The following TENM3 variants were observed in gnomAD, a reference collection of about 807,000 sequenced individuals.
The protein encoded by TENM3 is teneurin-3.
Under a neutral mutation model 255.1 loss-of-function variants are expected in TENM3, and 63 were observed. The ratio of observed to expected loss-of-function variants is 0.25; its 90% CI spans 0.20 to 0.30. The LOEUF is 0.30. TENM3 is among the 10% of genes least tolerant of loss of function. The pLI is 1.00. For missense variants in TENM3, 2,929 were observed against 3,461.1 expected, an observed-to-expected ratio of 0.85 and a Z score of 3.86; for synonymous variants, 1,306 against 1,322.3, an observed-to-expected ratio of 0.99 and a Z score of 0.27.
At chr4:181,826,532 C>T in the TENM3 span, among the ~76,000 whole-genome samples, 1 of 152,212 alleles carries the variant, frequency 6.6e-6, no homozygotes, top group Non-Finnish European at 1.5e-5. Flanking sequence ...AAATTTGAAT[C>T]CCTACTAAGC....
chr4:182,142,130 TATA>T (rs1335492289), upstream of TENM3: 6 of 152,010 alleles, frequency 3.9e-5, no homozygotes, highest in Non-Finnish European at 8.8e-5. Flanking sequence ...GCCTTTTTTT[TATA>T]TAATAATAAG....
intron 4 of TENM3, among the ~76,000 whole-genome samples, chr4:182,621,764 AATTATAT>A (rs1377320803): frequency 8.5e-5 from 5 of 59,054 alleles, no homozygotes; most frequent in Non-Finnish European, 1.4e-4. Context: ...AATATATAAT[AATTATAT>A]ATTATATATA....
At chr4:182,166,448 A>G (rs1056832357) in intron 1 of TENM3, among the ~76,000 whole-genome samples, 4 of 152,142 alleles carry the variant, frequency 2.6e-5, no homozygotes, top group South Asian at 2.1e-4. Context: ...TTAAAATTTC[A>G]TCTTGAATTT....
intron 6 of TENM3, among the ~76,000 whole-genome samples, chr4:182,664,925 T>C (rs967774027): frequency 6.6e-6 from 1 of 152,172 alleles, no homozygotes; most frequent in African/African-American, 2.4e-5. Flanking sequence ...CTCTGCAACA[T>C]AAAAATGCAA....
chr4:182,160,156 C>A (rs1029729233), intron 1 of TENM3, among the ~76,000 whole-genome samples: 11 of 149,790 alleles, frequency 7.3e-5, no homozygotes, highest in Non-Finnish European at 1.5e-4. Context: ...GCGCCCGCCA[C>A]CACGCCTGGC....
chr4:181,648,378 CAT>C, the TENM3 span, among the ~76,000 whole-genome samples: 515 of 152,204 alleles, frequency 3.4e-3, 3 homozygotes, highest in Non-Finnish European at 5.7e-3. Flanking sequence ...TAAACTGACT[CAT>C]ATGAAGCACG....
At chr4:181,972,493 C>T in the TENM3 span, among the ~76,000 whole-genome samples, 1 of 148,754 alleles carries the variant, frequency 6.7e-6, no homozygotes, top group East Asian at 2.0e-4. Context: ...AGCAAGATAA[C>T]TTATTAAAAT....
chr4:181,775,746 T>A, the TENM3 span, among the ~76,000 whole-genome samples: 1 of 152,164 alleles, frequency 6.6e-6, no homozygotes, highest in Non-Finnish European at 1.5e-5. Context: ...AGCCTACATT[T>A]CCTCCATGTT....
the TENM3 span, among the ~76,000 whole-genome samples, chr4:182,026,061 T>C: frequency 6.6e-6 from 1 of 152,110 alleles, no homozygotes; most frequent in African/African-American, 2.4e-5. Flanking sequence ...CACCTATGAG[T>C]GAGAACATGT....
At chr4:182,699,532 T>G (rs1158913199) in intron 12 of TENM3, among the ~76,000 whole-genome samples, 5 of 152,156 alleles carry the variant, frequency 3.3e-5, no homozygotes, top group African/African-American at 9.7e-5. Flanking sequence ...TCAAGGAAAT[T>G]TTTGAATCCA....
At chr4:182,784,172 C>T (rs1293406845) in intron 24 of TENM3, among the ~76,000 whole-genome samples, 4 of 152,244 alleles carry the variant, frequency 2.6e-5, no homozygotes, top group African/African-American at 9.6e-5. Context: ...GTTTTTTCCC[C>T]ATCTTTGTGG....
At chr4:182,664,569 G>A (rs34207612) in intron 6 of TENM3, among the ~76,000 whole-genome samples, 35,629 of 152,100 alleles carry the variant, frequency 0.23, 4,455 homozygotes, top group East Asian at 0.39. Context: ...TAAGCTTAGT[G>A]GGGAAGGCAT....
rs941518295 is a variant in TENM3, at chr4:182,189,452, G to A, written c.-76+44698G>A. Among the ~76,000 whole-genome samples the A allele has an allele frequency of 2.6e-5, 4 of 152,238 alleles. No individual in the cohort carries two copies. The South Asian group carries it at 8.3e-4, about 32-fold the overall frequency. On this transcript the variant is annotated intron_variant, in intron 1 of 2. Coordinates refer to the TENM3 transcript ENST00000512480. The stretch of plus-strand genomic sequence containing the variant: ...CACCAAAGCTTATACTTATTTAGAT[G>A]TATGCACATAAGAAAGTCAAAAGTT...
chr4:182,632,514 G>T (rs1313289172), intron 5 of TENM3, among the ~76,000 whole-genome samples: 1 of 152,052 alleles, frequency 6.6e-6, no homozygotes, highest in African/African-American at 2.4e-5. Flanking sequence ...TAGTAGCGCT[G>T]ACTATCTTCT....
intron 5 of TENM3, among the ~76,000 whole-genome samples, chr4:182,650,319 A>C (rs1033679813): frequency 2.0e-5 from 3 of 150,216 alleles, no homozygotes; most frequent in Admixed American, 6.6e-5. Context: ...TCTTCTTGCC[A>C]CTGTCTGCAC....
At chr4:182,179,410 C>T (rs1379205452) in intron 1 of TENM3, among the ~76,000 whole-genome samples, 1 of 152,194 alleles carries the variant, frequency 6.6e-6, no homozygotes, top group Non-Finnish European at 1.5e-5. Flanking sequence ...TAAAACATCC[C>T]TCTCTTCCAC....
chr4:181,519,875 A>G, the TENM3 span, among the ~76,000 whole-genome samples: 22 of 152,210 alleles, frequency 1.4e-4, no homozygotes, highest in Non-Finnish European at 2.9e-4. Context: ...AGCAAACCTC[A>G]GTGAAGGAAG....
At chr4:181,464,223 G>A in the TENM3 span, among the ~76,000 whole-genome samples, 1 of 152,118 alleles carries the variant, frequency 6.6e-6, no homozygotes, top group Non-Finnish European at 1.5e-5. Flanking sequence ...TTGAAAATAC[G>A]CCAAACTCTT....
chr4:182,717,925 C>T (rs68069135), intron 13 of TENM3, among the ~76,000 whole-genome samples: 2 of 152,080 alleles, frequency 1.3e-5, no homozygotes, highest in African/African-American at 4.8e-5. Flanking sequence ...GCTGCTCACT[C>T]CTGAAGGAAG....
Sources: allele counts gnomAD v4.1 joint callset (sites outside exome capture counted in the v4.1 genomes callset), GRCh38; gene constraint gnomAD v4.1.1; transcripts MANE v1.5; gene names NCBI Gene and HGNC (gene_info 2026-07-23, HGNC 2026-07-21).